The following NBEA variants were observed in gnomAD, a reference collection of about 807,000 sequenced individuals.
NBEA encodes lysosomal-trafficking regulator 2.
In NBEA, 44 loss-of-function variants were observed where a neutral mutation model predicts 343.4. The ratio of observed to expected loss-of-function variants is 0.13; its 90% CI spans 0.10 to 0.16. The LOEUF (loss-of-function observed/expected upper bound fraction) is 0.16, where lower values mean the gene tolerates loss of function less well. NBEA is among the 10% of genes least tolerant of loss of function. NBEA has a pLI of 1.00. For missense variants in NBEA, 2,555 were observed against 3,631.3 expected, an observed-to-expected ratio of 0.70 and a Z score of 7.62; for synonymous variants, 1,175 against 1,238.7, an observed-to-expected ratio of 0.95 and a Z score of 1.08.
intron 11 of NBEA, among the ~76,000 whole-genome samples, chr13:35,106,951 A>G (rs2065947788): frequency 6.6e-6 from 1 of 151,916 alleles, no homozygotes; most frequent in Non-Finnish European, 1.5e-5. Context: ...AATAATTTTT[A>G]TGAGCTACAG....
intron 24 of NBEA, among the ~76,000 whole-genome samples, chr13:35,167,832 A>G (rs1373766980): frequency 2.0e-5 from 3 of 151,886 alleles, no homozygotes; most frequent in African/African-American, 4.8e-5. Flanking sequence ...AGCAAAGAAC[A>G]TGGATCAACC....
At chr13:35,150,793 T>TTAAAG (rs2068727002) in intron 18 of NBEA, among the ~76,000 whole-genome samples, 1 of 148,240 alleles carries the variant, frequency 6.7e-6, no homozygotes, top group Non-Finnish European at 1.5e-5. Context: ...TAATGATATT[T>TTAAAG]TAGAGTAGAG....
chr13:34,943,173 C>A (rs976965762), intron 1 of NBEA, 59 bp downstream of exon 1: 31 of 1,588,708 alleles, frequency 2.0e-5, no homozygotes, highest in Non-Finnish European at 2.6e-5. Context: ...CCGTCCCCAG[C>A]GCCTTTCCCT....
At chr13:35,587,455 C>G (rs1203488817) in intron 46 of NBEA, among the ~76,000 whole-genome samples, 1 of 152,078 alleles carries the variant, frequency 6.6e-6, no homozygotes, top group Non-Finnish European at 1.5e-5. Flanking sequence ...CAATCATTGC[C>G]TTAGTGAGCC....
rs746193548 is a variant in NBEA at position 35,023,526 on chromosome 13, T to C, written c.295-17407T>C. 1.3e-3 allele frequency among the ~76,000 whole-genome samples: 204 copies of C among 152,310 alleles called. 3 individuals are homozygous for C. The highest frequency in any genetic ancestry group is 8.3e-4 in the South Asian group (4 of 4,830). ...CGATCATAGAGGAGGGTAGTATTAA[T>C]TTTGAAAAGAAATGTTTCAGATGAT... On this transcript the variant is annotated intron_variant, in intron 1 of 58. Coordinates refer to ENST00000379939, the MANE Select transcript of NBEA (RefSeq NM_001385012.1).
chr13:35,219,388 C>G (rs898312451), intron 33 of NBEA, among the ~76,000 whole-genome samples: 4 of 152,084 alleles, frequency 2.6e-5, no homozygotes, highest in Non-Finnish European at 4.4e-5. Context: ...ATCAGAATAA[C>G]ATAGAGGGCT....
At chr13:35,337,696 A>G (rs144157553) in intron 36 of NBEA, among the ~76,000 whole-genome samples, 39 of 152,242 alleles carry the variant, frequency 2.6e-4, no homozygotes, top group African/African-American at 9.4e-4. Flanking sequence ...TGCACATGAA[A>G]CATTCTGTAG....
At chr13:35,207,129 G>A (rs1293787051) in intron 31 of NBEA, among the ~76,000 whole-genome samples, 1 of 151,702 alleles carries the variant, frequency 6.6e-6, no homozygotes, top group Non-Finnish European at 1.5e-5. Flanking sequence ...TATACAAAAT[G>A]TTTTAAGTAT....
At position 34,948,288 on chromosome 13, in the gene NBEA, TG is replaced by T. The variant is rs2059249094; in HGVS notation, c.294+5175del. ...CATCTAACCTAGGTGTGGCAAGAAT[TG>T]TGGTGATTGGTTCAGGGACAAACAT... On this transcript the variant is annotated intron_variant, in intron 1 of 58. Coordinates refer to ENST00000379939, the MANE Select transcript of NBEA (RefSeq NM_001385012.1). 2.0e-5 allele frequency among the ~76,000 whole-genome samples: 3 copies of T among 152,196 alleles called. No homozygotes were observed. In the East Asian group the frequency reaches 5.8e-4, roughly 29 times the overall value.
At chr13:35,170,385 C>T (rs777006317) in intron 25 of NBEA, among the ~76,000 whole-genome samples, 9 of 151,486 alleles carry the variant, frequency 5.9e-5, no homozygotes, top group Admixed American at 5.3e-4. Context: ...TTTTTTTTTA[C>T]TTATGAAGTA....
In NBEA at chr13:35,508,962, G is replaced by A. The variant is rs1213135403; in HGVS notation, c.6585+36426G>A. 2.0e-5 allele frequency among the ~76,000 whole-genome samples: 3 copies of A among 152,292 alleles called. No individual in the cohort carries two copies. In the South Asian group the frequency reaches 6.2e-4, roughly 32 times the overall value. On this transcript the variant is annotated intron_variant, in intron 41 of 58. Transcript: ENST00000379939. ...AATCATGCCCTAATGGGAAAGGAAGGGGAGCTGGACATGAGTGTCTACTGT... is the reference window on the plus strand; with the variant it reads ...AATCATGCCCTAATGGGAAAGGAAGAGGAGCTGGACATGAGTGTCTACTGT...
intron 41 of NBEA, among the ~76,000 whole-genome samples, chr13:35,549,393 A>G (rs969973209): frequency 1.3e-5 from 2 of 152,226 alleles, no homozygotes; most frequent in African/African-American, 4.8e-5. Flanking sequence ...CAAAGCAAAT[A>G]TAAGTGCGGT....
At chr13:35,000,840 T>C (rs1167531834) in intron 1 of NBEA, among the ~76,000 whole-genome samples, 1 of 152,124 alleles carries the variant, frequency 6.6e-6, no homozygotes, top group Non-Finnish European at 1.5e-5. Context: ...AAAATATCAA[T>C]AGCAATTAAA....
intron 1 of NBEA, among the ~76,000 whole-genome samples, chr13:35,022,663 C>T (rs1428657381): frequency 6.6e-6 from 1 of 151,972 alleles, no homozygotes; most frequent in Non-Finnish European, 1.5e-5. Context: ...ATGTCTTGGG[C>T]ATGGTTTCTC....
At chr13:35,343,381 T>C (rs2039695522) in intron 36 of NBEA, among the ~76,000 whole-genome samples, 1 of 152,122 alleles carries the variant, frequency 6.6e-6, no homozygotes, top group South Asian at 2.1e-4. Flanking sequence ...AAGATTTGAA[T>C]AACATAATTA....
At chr13:35,657,965 A>G (rs1038537796) in intron 55 of NBEA, among the ~76,000 whole-genome samples, 11 of 152,118 alleles carry the variant, frequency 7.2e-5, no homozygotes, top group African/African-American at 2.7e-4. Context: ...GTAATTATCT[A>G]TGTTCACTAC....
intron 26 of NBEA, among the ~76,000 whole-genome samples, chr13:35,172,705 C>A (rs1267738078): frequency 1.3e-5 from 2 of 151,904 alleles, no homozygotes; most frequent in Non-Finnish European, 2.9e-5. Context: ...TCAGTTAATC[C>A]TCACAACAGC....
intron 34 of NBEA, among the ~76,000 whole-genome samples, chr13:35,268,646 A>G (rs947374911): frequency 2.6e-5 from 4 of 152,164 alleles, no homozygotes; most frequent in African/African-American, 9.6e-5. Flanking sequence ...TTGAAAACTG[A>G]CCCAAATTTT....
chr13:35,483,849 C>T (rs1268562484), intron 41 of NBEA, among the ~76,000 whole-genome samples: 1 of 152,030 alleles, frequency 6.6e-6, no homozygotes, highest in Non-Finnish European at 1.5e-5. Context: ...CCCATGCATG[C>T]ATGCAGGCTG....
Sources: allele counts gnomAD v4.1 joint callset (sites outside exome capture counted in the v4.1 genomes callset), GRCh38; gene constraint gnomAD v4.1.1; transcripts MANE v1.5; gene names NCBI Gene and HGNC (gene_info 2026-07-23, HGNC 2026-07-21).